MASP1: variants seen among roughly 807,000 people sequenced by gnomAD.
The protein encoded by MASP1 is mannan-binding lectin serine protease 1.
Under a neutral mutation model 77.1 loss-of-function variants are expected in MASP1, and 59 were observed. The ratio of observed to expected loss-of-function variants is 0.77; its 90% CI spans 0.62 to 0.95. The LOEUF is 0.95. MASP1 is among the 40% of genes least tolerant of loss of function. The pLI, the probability that MASP1 is intolerant of heterozygous loss-of-function variation, is 0.00. For missense variants in MASP1, 885 were observed against 912.9 expected (o/e 0.97, Z 0.39); for synonymous variants, 362 against 354.5 (o/e 1.02, Z -0.24).
chr3:187,241,609 A>G (rs773616678), intron 9 of MASP1, 54 bp from the exon 10 acceptor site: 43 of 1,185,272 alleles, frequency 3.6e-5, no homozygotes, highest in Non-Finnish European at 5.2e-5. Flanking sequence ...GATTTGTAAC[A>G]CATGGAAAAT....
intron 4 of MASP1, among the ~76,000 whole-genome samples, chr3:187,257,870 C>T (rs912586182): frequency 6.6e-6 from 1 of 152,184 alleles, no homozygotes; most frequent in Non-Finnish European, 1.5e-5. Flanking sequence ...AAACGGAATT[C>T]CTGGCCATGA....
intron 4 of MASP1, among the ~76,000 whole-genome samples, chr3:187,258,032 A>G (rs565857783): frequency 4.5e-4 from 68 of 152,370 alleles, no homozygotes; most frequent in Non-Finnish European, 7.6e-4. Flanking sequence ...TGATGAAGGA[A>G]CTAAGGCCAT....
At position 187,253,194 on chromosome 3, in the gene MASP1, C is replaced by T. The variant is rs1714768478; in HGVS notation, c.866G>A (p.Gly289Asp). ...TGCAGCCCTGTATGAGAGCCTCCAG[C>T]CCCGGTTCTCTCCCGAGTTGTCACT... The part of the protein sequence containing the change: ...FHSDNSGENR[G>D]WRLSYRAAGN... Residue 289 changes from glycine to aspartate, a missense_variant, in exon 6 of 11, where the codon GGC becomes GAC. By Grantham distance (94) the Gly-to-Asp change is moderately conservative. Coordinates refer to ENST00000296280, the MANE Select transcript of MASP1 (RefSeq NM_139125.4). The T allele has an allele frequency of 5.0e-6, 8 of 1,614,104 alleles. No individual in the cohort carries two copies. The highest frequency in any genetic ancestry group is 6.8e-6 in the Non-Finnish European group (8 of 1,180,012).
chr3:187,225,579 C>T (rs969720011), intron 12 of MASP1: 5 of 1,525,674 alleles, frequency 3.3e-6, no homozygotes, highest in Admixed American at 3.3e-5. Context: ...TCCCTGTCAG[C>T]CCCCGCCCCA....
chr3:187,225,339 C>T (rs140787141), exon 13 of MASP1: 4 of 1,613,244 alleles, frequency 2.5e-6, no homozygotes, highest in East Asian at 2.2e-5. Flanking sequence ...TGCTGGGGTC[C>T]CTCAGGCAGA....
In MASP1 at chr3:187,234,100, G is replaced by GT; in HGVS notation, c.*1583dup. 1 of 1,278,202 alleles carries GT rather than the reference G, an allele frequency of 7.8e-7. No individual in the cohort carries two copies. Among genetic ancestry groups the GT allele is most frequent in the Non-Finnish European group, 1.0e-6 (1 of 982,418 alleles). 79.2% of individuals were successfully genotyped at this position (1,278,202 alleles called of 1,614,324 possible). On this transcript the variant is annotated 3_prime_UTR_variant, in exon 11 of 11. Coordinates refer to ENST00000296280, the MANE Select transcript of MASP1 (RefSeq NM_139125.4). ...CCAAGGCTGTTGGTTATCCACGAGG[G>GT]TTTATTTCCACTTGAGACCCCTGAT...
chr3:187,237,288 G>T (rs1261066585), intron 10 of MASP1, among the ~76,000 whole-genome samples: 1 of 152,246 alleles, frequency 6.6e-6, no homozygotes, highest in Non-Finnish European at 1.5e-5. Flanking sequence ...CTGAGTTTAA[G>T]TGACTAGCCC....
chr3:187,283,297 T>A (rs1255549354), intron 2 of MASP1, among the ~76,000 whole-genome samples: 1 of 152,246 alleles, frequency 6.6e-6, no homozygotes, highest in Non-Finnish European at 1.5e-5. Flanking sequence ...GGTCTTCAGA[T>A]TATATTATTG....
chr3:187,226,552 G>A (rs761570598), intron 11 of MASP1: 1 of 1,458,806 alleles, frequency 6.9e-7, no homozygotes, highest in East Asian at 2.4e-5. Flanking sequence ...TCATCGTCCT[G>A]CACTACTGGG....
At chr3:187,247,430 G>A (rs1714190196) in intron 8 of MASP1, 30 of 1,608,322 alleles carry the variant, frequency 1.9e-5, no homozygotes, top group Non-Finnish European at 2.4e-5. Flanking sequence ...AGATACAGAG[G>A]AAGGAAGCAG....
chr3:187,285,836 C>A lies in MASP1; in HGVS notation c.226G>T (p.Asp76Tyr). Residue 76 changes from aspartate to tyrosine, a missense_variant, in exon 2 of 11, where the codon GAC becomes TAC. Transcript: ENST00000296280. ...NLESSYLCEY[D>Y]YVKVETEDQV... The stretch of plus-strand genomic sequence containing the variant: ...ATCAGGAGTCTCACCTTCACATAGT[C>A]ATATTCACAAAGGTAGGAGGATTCC... The A allele has an allele frequency of 6.2e-7, 1 of 1,613,626 alleles. No individual in the cohort carries two copies. Among genetic ancestry groups the A allele is most frequent in the South Asian group, 1.1e-5 (1 of 91,034 alleles).
intron 10 of MASP1, among the ~76,000 whole-genome samples, chr3:187,237,085 T>C (rs1713248640): frequency 6.6e-6 from 1 of 152,216 alleles, no homozygotes; most frequent in Non-Finnish European, 1.5e-5. Context: ...GCTGGAAGCC[T>C]TGGCCTGGCT....
chr3:187,289,874 T>C (rs1718167817), intron 1 of MASP1, among the ~76,000 whole-genome samples: 1 of 152,190 alleles, frequency 6.6e-6, no homozygotes, highest in Admixed American at 6.5e-5. Context: ...AATCCTTACT[T>C]CATCCAGAAT....
At chr3:187,239,986 G>T (rs1223343577) in intron 10 of MASP1, among the ~76,000 whole-genome samples, 1 of 151,924 alleles carries the variant, frequency 6.6e-6, no homozygotes, top group Non-Finnish European at 1.5e-5. Context: ...TTCCATTTTA[G>T]TGTCTAATCT....
intron 10 of MASP1, among the ~76,000 whole-genome samples, chr3:187,239,485 C>CCTAGGG (rs1268073919): frequency 1.3e-5 from 2 of 152,194 alleles, no homozygotes; most frequent in Admixed American, 1.3e-4. Flanking sequence ...AGTATTAGTA[C>CCTAGGG]CTAGGGCCTT....
intron 2 of MASP1, among the ~76,000 whole-genome samples, chr3:187,282,915 T>C (rs1717552819): frequency 6.6e-6 from 1 of 152,238 alleles, no homozygotes. Context: ...GCAAGGACTG[T>C]AGGGCACTTC....
intron 5 of MASP1, among the ~76,000 whole-genome samples, chr3:187,256,163 C>A (rs915839438): frequency 3.9e-5 from 6 of 152,170 alleles, no homozygotes; most frequent in Admixed American, 2.6e-4. Context: ...GACATAGCCT[C>A]TTCCCGCAAG....
At chr3:187,283,459 A>G (rs763917722) in intron 2 of MASP1, among the ~76,000 whole-genome samples, 61 of 152,262 alleles carry the variant, frequency 4.0e-4, no homozygotes, top group Non-Finnish European at 7.2e-4. Context: ...AAGGAGACCT[A>G]ACAAGGTTAA....
At chr3:187,258,464 C>T (rs1579531925) in intron 4 of MASP1, among the ~76,000 whole-genome samples, 1 of 152,332 alleles carries the variant, frequency 6.6e-6, no homozygotes, top group South Asian at 2.1e-4. Flanking sequence ...CAGGACCACT[C>T]TTATGAATAT....
Sources: allele counts gnomAD v4.1 joint callset (sites outside exome capture counted in the v4.1 genomes callset), GRCh38; gene constraint gnomAD v4.1.1; transcripts MANE v1.5; gene names NCBI Gene and HGNC (gene_info 2026-07-23, HGNC 2026-07-21).